RSU1: variants seen among roughly 807,000 people sequenced by gnomAD.
The protein encoded by RSU1 is rsu-1.
In RSU1, 26 loss-of-function variants were observed where a neutral mutation model predicts 31.1. That is an observed-to-expected ratio of 0.84 (90% CI 0.61 to 1.16). The LOEUF (loss-of-function observed/expected upper bound fraction) is 1.16, where lower values mean the gene tolerates loss of function less well. Among genes scored for constraint, RSU1 ranks in the 50% most tolerant of loss-of-function variants. The pLI is 0.00. For missense variants in RSU1, 320 were observed against 339.1 expected (o/e 0.94, Z 0.44); for synonymous variants, 164 against 136.3 (o/e 1.20, Z -1.41).
At chr10:16,661,919 A>G (rs1190289613) in intron 8 of RSU1, among the ~76,000 whole-genome samples, 1 of 152,212 alleles carries the variant, frequency 6.6e-6, no homozygotes, top group Admixed American at 6.5e-5. Context: ...GTTCAGCAAT[A>G]TAGTTATAAA....
chr10:16,777,594 TGGA>T (rs1837560945), intron 3 of RSU1, among the ~76,000 whole-genome samples: 1 of 152,212 alleles, frequency 6.6e-6, no homozygotes, highest in Non-Finnish European at 1.5e-5. Flanking sequence ...GTACAAAACC[TGGA>T]GGAGACATAT....
At chr10:16,764,299 A>G (rs1837267800) in intron 4 of RSU1, 91 bp downstream of exon 4, 1 of 1,344,004 alleles carries the variant, frequency 7.4e-7, no homozygotes, top group Admixed American at 2.6e-5. Flanking sequence ...ATTTCTGTGC[A>G]ATAATATAAA....
intron 2 of RSU1, among the ~76,000 whole-genome samples, chr10:16,790,766 C>A (rs1588537754): frequency 1.3e-5 from 2 of 152,240 alleles, no homozygotes; most frequent in East Asian, 3.9e-4. Flanking sequence ...TGAGTTCTCA[C>A]CAGATCTGGT....
chr10:16,676,584 AT>A (rs1241083404), intron 8 of RSU1, among the ~76,000 whole-genome samples: 1 of 152,186 alleles, frequency 6.6e-6, no homozygotes, highest in Non-Finnish European at 1.5e-5. Flanking sequence ...GACCAGAAGT[AT>A]TTTGGATTTC....
At position 16,669,140 on chromosome 10, in the gene RSU1, A is replaced by G. The variant is rs1443286044; in HGVS notation, c.731+25883T>C. Among the ~76,000 whole-genome samples the G allele has an allele frequency of 3.9e-5, 6 of 152,116 alleles. No homozygotes were observed. The East Asian group carries it at 1.2e-3, about 29-fold the overall frequency. On this transcript the variant is annotated intron_variant, in intron 8 of 8. Coordinates refer to ENST00000345264, the MANE Select transcript of RSU1 (RefSeq NM_012425.4). ...TGTTAGAATTCTGCTATCAGATCTT[A>G]TTTTTCCCAAAACAAATGCTAGACC...
At chr10:16,671,608 C>A (rs1835105953) in intron 8 of RSU1, among the ~76,000 whole-genome samples, 1 of 151,746 alleles carries the variant, frequency 6.6e-6, no homozygotes, top group Admixed American at 6.6e-5. Flanking sequence ...ACCACCACAC[C>A]TGACTCAAAG....
chr10:16,772,928 T>C (rs1303875671), intron 3 of RSU1, among the ~76,000 whole-genome samples: 1 of 152,152 alleles, frequency 6.6e-6, no homozygotes, highest in African/African-American at 2.4e-5. Flanking sequence ...TAATCTAGGC[T>C]GGGAGCAGTG....
At chr10:16,732,261 T>A (rs951061823) in intron 7 of RSU1, among the ~76,000 whole-genome samples, 1 of 152,234 alleles carries the variant, frequency 6.6e-6, no homozygotes, top group Non-Finnish European at 1.5e-5. Flanking sequence ...GATTCTGCTA[T>A]GTGCCAGCTA....
chr10:16,746,256 A>C (rs1836852169), intron 7 of RSU1, among the ~76,000 whole-genome samples: 1 of 152,244 alleles, frequency 6.6e-6, no homozygotes, highest in Non-Finnish European at 1.5e-5. Flanking sequence ...CACATATTGC[A>C]GGGCACTAAG....
At chr10:16,634,089 C>T (rs114528798) in intron 8 of RSU1, among the ~76,000 whole-genome samples, 1,776 of 152,280 alleles carry the variant, frequency 0.012, 36 homozygotes, top group African/African-American at 0.039. Context: ...CAGTCTTTGG[C>T]GAAGTACACC....
chr10:16,817,405 C>G lies in RSU1; in HGVS notation c.-94G>C, dbSNP rs1838569395. On this transcript the variant is annotated 5_prime_UTR_variant, in exon 1 of 9. Transcript: ENST00000345264. ...GCCCTCACTCCCTGCAACACCGGCA[C>G]TGAACAGCGAACACGCCCTGTCTCG... is the stretch of plus-strand genomic sequence containing the variant. 1 of 300,688 alleles carries G rather than the reference C, an allele frequency of 3.3e-6. No individual in the cohort carries two copies. The highest frequency in any genetic ancestry group is 8.2e-5 in the East Asian group (1 of 12,176). 18.6% of individuals were successfully genotyped at this position (300,688 alleles called of 1,614,324 possible).
intron 8 of RSU1, among the ~76,000 whole-genome samples, chr10:16,636,538 C>A (rs1201735340): frequency 6.6e-6 from 1 of 152,200 alleles, no homozygotes; most frequent in East Asian, 1.9e-4. Flanking sequence ...TTCTGCGCTT[C>A]CCTTTTTACC....
chr10:16,627,063 T>G (rs1189607338), intron 8 of RSU1, among the ~76,000 whole-genome samples: 1 of 152,222 alleles, frequency 6.6e-6, no homozygotes, highest in Non-Finnish European at 1.5e-5. Context: ...TTGGGGAACT[T>G]TTCTAAGAAG....
rs138090961 is a variant in RSU1, at chr10:16,743,732, G to A, written c.598+8807C>T. 1.5e-3 allele frequency among the ~76,000 whole-genome samples: 232 copies of A among 152,160 alleles called. 1 individual carries two copies. Among genetic ancestry groups the A allele is most frequent in the Middle Eastern group, 0.01 (3 of 294 alleles). On this transcript the variant is annotated intron_variant, in intron 7 of 8. Transcript: ENST00000345264. ...TTGGGTTGGGGAAGGTAATTACCCC[G>A]AAACAAAAATCTAGTCTAAAAAAAT...
intron 2 of RSU1, among the ~76,000 whole-genome samples, chr10:16,792,427 T>C (rs1055420504): frequency 2.6e-5 from 4 of 152,110 alleles, no homozygotes; most frequent in African/African-American, 9.7e-5. Context: ...GAGACGGGGT[T>C]TCATTACGTC....
At chr10:16,630,069 A>AT (rs78634326) in intron 8 of RSU1, among the ~76,000 whole-genome samples, 50 of 149,690 alleles carry the variant, frequency 3.3e-4, no homozygotes, top group Admixed American at 1.2e-3. Flanking sequence ...AAGTTTTTAA[A>AT]TTTTTTTTTT....
chr10:16,595,727 G>A (rs906001116), intron 8 of RSU1, among the ~76,000 whole-genome samples: 5 of 152,100 alleles, frequency 3.3e-5, no homozygotes, highest in East Asian at 1.9e-4. Context: ...TCTGAACTTC[G>A]GGAGGGTAAG....
chr10:16,632,361 G>A (rs1040485032), intron 8 of RSU1, among the ~76,000 whole-genome samples: 1 of 152,056 alleles, frequency 6.6e-6, no homozygotes, highest in Non-Finnish European at 1.5e-5. Flanking sequence ...CTCTTTGATT[G>A]GGACTCCGTG....
rs1564368657 is a variant in RSU1 at position 16,817,372 on chromosome 10, C to CTCCA, written c.-65_-62dup. ...CAACCACAAGCTTCGGCAGAACGCA[C>CTCCA]TCCAGCTGCCCTCACTCCCTGCAAC... On this transcript the variant is annotated 5_prime_UTR_variant, in exon 1 of 9. It adds an upstream start codon to the 5' untranslated region. Coordinates refer to ENST00000345264, the MANE Select transcript of RSU1 (RefSeq NM_012425.4). 2 of 389,310 alleles carry CTCCA rather than the reference C, an allele frequency of 5.1e-6. No homozygotes were observed. The highest frequency in any genetic ancestry group is 4.8e-6 in the Non-Finnish European group (1 of 209,228). 24.1% of individuals were successfully genotyped at this position (389,310 alleles called of 1,614,324 possible). A position where few individuals can be genotyped will look rare whatever the true frequency, so the allele number is the denominator to read the frequency against.
Sources: allele counts gnomAD v4.1 joint callset (sites outside exome capture counted in the v4.1 genomes callset), GRCh38; gene constraint gnomAD v4.1.1; transcripts MANE v1.5; gene names NCBI Gene and HGNC (gene_info 2026-07-23, HGNC 2026-07-21).